PHACTR4: variants seen among roughly 807,000 people sequenced by gnomAD.
PHACTR4 encodes the protein protein phosphatase 1, regulatory subunit 124.
PHACTR4 carries 51 observed loss-of-function variants against 72.7 expected under a neutral mutation model. That is an observed-to-expected ratio of 0.70 (90% CI 0.56 to 0.89). PHACTR4 has a LOEUF of 0.89. Among genes scored for constraint, PHACTR4 ranks in the 40% least tolerant of loss-of-function variants. The pLI, the probability that PHACTR4 is intolerant of heterozygous loss-of-function variation, is 0.00. For synonymous variants in PHACTR4, 255 were observed against 302.5 expected (o/e 0.84, Z 1.63); for missense variants, 731 against 861.8 (o/e 0.85, Z 1.90).
chr1:28,410,807 A>G (rs1654729388), intron 2 of PHACTR4, among the ~76,000 whole-genome samples: 1 of 152,032 alleles, frequency 6.6e-6, no homozygotes, highest in African/African-American at 2.4e-5. Flanking sequence ...CCCGGGTTCA[A>G]GTGATTCTCC....
At chr1:28,407,568 A>G in intron 2 of PHACTR4, 105 bp downstream of exon 2, 1 of 928,964 alleles carries the variant, frequency 1.1e-6, no homozygotes, top group Non-Finnish European at 1.7e-6. Flanking sequence ...TCAGTATGCT[A>G]CTCTCTAGAA....
intron 2 of PHACTR4, among the ~76,000 whole-genome samples, chr1:28,424,317 G>A (rs1211797609): frequency 6.6e-6 from 1 of 150,810 alleles, no homozygotes; most frequent in Non-Finnish European, 1.5e-5. Flanking sequence ...TCAGCCTCCT[G>A]TGTAGCTGGA....
At chr1:28,496,493 T>C in intron 13 of PHACTR4, 41 bp from the exon 14 acceptor site, 5 of 1,608,122 alleles carry the variant, frequency 3.1e-6, no homozygotes, top group Non-Finnish European at 4.3e-6. Context: ...CAAAGCAATG[T>C]ACATCATGTG....
intron 2 of PHACTR4, among the ~76,000 whole-genome samples, chr1:28,408,747 C>T (rs1654554221): frequency 6.6e-6 from 1 of 150,988 alleles, no homozygotes; most frequent in African/African-American, 2.4e-5. Flanking sequence ...ACCATCACAG[C>T]TCACTGCAGC....
chr1:28,381,491 A>C (rs889631723), intron 1 of PHACTR4, among the ~76,000 whole-genome samples: 1 of 143,142 alleles, frequency 7.0e-6, no homozygotes, highest in African/African-American at 2.6e-5. Context: ...GTAGAGACGC[A>C]GTTAAACCAT....
intron 2 of PHACTR4, among the ~76,000 whole-genome samples, chr1:28,424,513 C>T (rs1221634268): frequency 6.7e-6 from 1 of 150,166 alleles, no homozygotes; most frequent in African/African-American, 2.5e-5. Context: ...TTTTTTTAGT[C>T]AGAGTCTCTC....
At chr1:28,454,061 A>AT in intron 2 of PHACTR4, 2 of 275,376 alleles carry the variant, frequency 7.3e-6, no homozygotes, top group South Asian at 8.8e-5. Context: ...ATTAAAAAAA[A>AT]ATTTTTTTTT....
chr1:28,432,990 C>T (rs545132882), intron 2 of PHACTR4: 11 of 793,574 alleles, frequency 1.4e-5, no homozygotes, highest in South Asian at 5.7e-5. Context: ...AAGCAACCCC[C>T]GCTTGGCCTC....
intron 2 of PHACTR4, among the ~76,000 whole-genome samples, chr1:28,433,673 G>A (rs955491711): frequency 1.6e-4 from 24 of 151,022 alleles, no homozygotes; most frequent in African/African-American, 5.4e-4. Flanking sequence ...GGCCAGGCTG[G>A]TCTCAAACTC....
At chr1:28,421,098 A>T (rs1655478422) in intron 2 of PHACTR4, among the ~76,000 whole-genome samples, 1 of 152,180 alleles carries the variant, frequency 6.6e-6, no homozygotes, top group Non-Finnish European at 1.5e-5. Context: ...TGTGTTTATT[A>T]CTACAGTCAA....
At chr1:28,388,463 A>G (rs1287826188) in intron 1 of PHACTR4, among the ~76,000 whole-genome samples, 1 of 152,214 alleles carries the variant, frequency 6.6e-6, no homozygotes, top group Non-Finnish European at 1.5e-5. Context: ...CACAGTGGGG[A>G]AAGGACAATC....
chr1:28,393,803 T>A (rs1653251641), intron 1 of PHACTR4, among the ~76,000 whole-genome samples: 1 of 152,086 alleles, frequency 6.6e-6, no homozygotes, highest in Non-Finnish European at 1.5e-5. Flanking sequence ...CCTCTCAGGC[T>A]CAGGTGATCT....
At chr1:28,489,738 A>T (rs766157325) in intron 10 of PHACTR4, 1 of 517,106 alleles carries the variant, frequency 1.9e-6, no homozygotes, top group South Asian at 1.4e-5. Flanking sequence ...CTGAAATAGC[A>T]TTCTAATCTA....
intron 2 of PHACTR4, chr1:28,457,892 G>T: frequency 7.1e-6 from 7 of 982,046 alleles, no homozygotes; most frequent in Non-Finnish European, 8.4e-6. Flanking sequence ...GTACCTTCCT[G>T]CTTTTTTTTG....
At chr1:28,494,853 A>T in intron 13 of PHACTR4, among the ~76,000 whole-genome samples, 1 of 152,220 alleles carries the variant, frequency 6.6e-6, no homozygotes, top group East Asian at 1.9e-4. Flanking sequence ...GTTCATAAGC[A>T]GGAAATTCTG....
intron 6 of PHACTR4, among the ~76,000 whole-genome samples, chr1:28,468,698 G>C (rs1659373437): frequency 6.6e-6 from 1 of 152,142 alleles, no homozygotes; most frequent in African/African-American, 2.4e-5. Context: ...TTGCAAACTG[G>C]TGTTCTCCTC....
intron 1 of PHACTR4, 27 bp from the exon 2 acceptor site, chr1:28,407,383 G>T (rs1427875314): frequency 2.3e-6 from 3 of 1,285,700 alleles, no homozygotes; most frequent in Non-Finnish European, 3.4e-6. Flanking sequence ...TGTATTAAGT[G>T]TATCATTTAC....
intron 2 of PHACTR4, among the ~76,000 whole-genome samples, chr1:28,442,472 G>A (rs76076265): frequency 0.38 from 56,126 of 148,250 alleles, 12,254 homozygotes; most frequent in African/African-American, 0.59. Flanking sequence ...CAAAAAAAAA[G>A]AAAAAAAAGT....
Position 28,438,294 on chromosome 1 carries a change from T to C in PHACTR4, c.17-20791T>C, listed in dbSNP as rs79982707. 6.1e-4 allele frequency: 948 copies of C among 1,544,330 alleles called. 4 individuals are homozygous for C. The African/African-American group carries it at 0.01, about 16-fold the overall frequency. On this transcript the variant is annotated intron_variant, in intron 2 of 13. Coordinates refer to ENST00000373839, the MANE Select transcript of PHACTR4 (RefSeq NM_001048183.3). ...GCAGTGACACTGAAAGAGGACCGCA[T>C]GTCCCCTCTTTATGTGGATTTATCT...
Sources: gnomAD v4.1 joint callset for allele counts (sites outside exome capture counted in the v4.1 genomes callset) on GRCh38, gnomAD v4.1.1 for gene constraint, MANE v1.5 for transcripts, NCBI Gene and HGNC (gene_info 2026-07-23, HGNC 2026-07-21) for gene names.